The following FOCAD variants were observed in gnomAD, a reference collection of about 807,000 sequenced individuals.
The protein encoded by FOCAD is focadhesin, also known as KIAA1797.
In FOCAD, 198 loss-of-function variants were observed where a neutral mutation model predicts 225.6. The ratio of observed to expected loss-of-function variants is 0.88; its 90% CI spans 0.78 to 0.99. The LOEUF (loss-of-function observed/expected upper bound fraction) is 0.99, where lower values mean the gene tolerates loss of function less well. Ranked by LOEUF, FOCAD falls within the 50% of genes least tolerant of loss-of-function variation. The pLI is 0.00. For missense variants in FOCAD, 2,713 were observed against 2,123.6 expected (o/e 1.28, Z -5.46); for synonymous variants, 897 against 755.0 (o/e 1.19, Z -3.08).
intron 30 of FOCAD, among the ~76,000 whole-genome samples, 163 bp from the exon 31 acceptor site, chr9:20,948,108 A>C (rs1440404964): frequency 7.5e-6 from 1 of 132,756 alleles, no homozygotes; most frequent in Non-Finnish European, 1.7e-5. Context: ...TTAAAAAAAA[A>C]CAAAAAACAA....
At chr9:20,655,921 T>G (rs1821469465), upstream of FOCAD, among the ~76,000 whole-genome samples, 1 of 152,112 alleles carries the variant, frequency 6.6e-6, no homozygotes, top group Non-Finnish European at 1.5e-5. Context: ...TTTAGTGCTA[T>G]AAATTTCCCT....
intron 11 of FOCAD, among the ~76,000 whole-genome samples, chr9:20,817,380 C>T (rs147455033): frequency 8.5e-5 from 13 of 152,158 alleles, no homozygotes; most frequent in Admixed American, 6.6e-4. Flanking sequence ...TCCTGACCAC[C>T]CCCTGCTTCT....
intron 1 of FOCAD, among the ~76,000 whole-genome samples, chr9:20,708,230 C>A (rs1027380659): frequency 9.2e-5 from 14 of 152,140 alleles, no homozygotes; most frequent in Middle Eastern, 3.4e-3. Context: ...TAAAAATTGT[C>A]AAAATATTTG....
chr9:20,729,367 T>A (rs1477277846), intron 4 of FOCAD, among the ~76,000 whole-genome samples: 2 of 152,204 alleles, frequency 1.3e-5, no homozygotes, highest in East Asian at 3.8e-4. Flanking sequence ...CTTACCTGTA[T>A]ATCTCTTTGT....
At chr9:20,779,611 G>T (rs941648417) in intron 9 of FOCAD, among the ~76,000 whole-genome samples, 2 of 152,066 alleles carry the variant, frequency 1.3e-5, no homozygotes, top group South Asian at 2.1e-4. Flanking sequence ...TTAGCCAGGC[G>T]TGGTGGCGCA....
chr9:20,880,037 C>A (rs1008232139), intron 19 of FOCAD, among the ~76,000 whole-genome samples: 6 of 152,030 alleles, frequency 3.9e-5, no homozygotes, highest in Non-Finnish European at 7.4e-5. Flanking sequence ...ATAATTATAC[C>A]CACTTTGAAG....
chr9:20,801,083 T>G (rs1316150531), intron 11 of FOCAD, among the ~76,000 whole-genome samples: 1 of 152,162 alleles, frequency 6.6e-6, no homozygotes, highest in Non-Finnish European at 1.5e-5. Flanking sequence ...ACCCTCAACT[T>G]CAGGTGCGTT....
intron 33 of FOCAD, 110 bp downstream of exon 33, chr9:20,949,785 G>A: frequency 1.1e-6 from 1 of 942,172 alleles, no homozygotes; most frequent in East Asian, 2.4e-5. Flanking sequence ...AAAGTCTCTG[G>A]TTATTCCCGC....
rs1181278087 is a variant in FOCAD at position 20,770,132 on chromosome 9, A to C, written c.800A>C (p.Gln267Pro). 6.2e-7 allele frequency: 1 copy of C among 1,614,154 alleles called. No individual in the cohort carries two copies. Among genetic ancestry groups the C allele is most frequent in the Non-Finnish European group, 8.5e-7 (1 of 1,180,004 alleles). The change falls in exon 8 of 44, where the codon CAG becomes CCG. Residue 267 changes from glutamine (Q) to proline (P), a missense_variant. Transcript: ENST00000338382. ...GTTTTCTGGAAAATTCAGCTTACCC[A>C]GATGAGTCTTCAGCTGCTGTGTGTC... The part of the protein sequence containing the change: ...HPVFWKIQLT[Q>P]MSLQLLCVSE...
chr9:20,774,427 T>C (rs1423876263), intron 8 of FOCAD, among the ~76,000 whole-genome samples: 1 of 152,210 alleles, frequency 6.6e-6, no homozygotes, highest in Non-Finnish European at 1.5e-5. Flanking sequence ...GGTAATGTTC[T>C]AATCCTATCA....
At chr9:20,907,795 C>T (rs1282385855) in intron 22 of FOCAD, among the ~76,000 whole-genome samples, 2 of 152,088 alleles carry the variant, frequency 1.3e-5, no homozygotes, top group Non-Finnish European at 2.9e-5. Context: ...CTAATTTCTA[C>T]TTGTTCTCTA....
intron 18 of FOCAD, among the ~76,000 whole-genome samples, chr9:20,870,682 A>T (rs1829683916): frequency 6.6e-6 from 1 of 152,098 alleles, no homozygotes; most frequent in Non-Finnish European, 1.5e-5. Context: ...TAAACAACTG[A>T]TATTCTATAG....
chr9:20,963,108 C>G (rs549266885), intron 35 of FOCAD, among the ~76,000 whole-genome samples: 1 of 152,276 alleles, frequency 6.6e-6, no homozygotes, highest in African/African-American at 2.4e-5. Context: ...GTGTCTGAAT[C>G]AGTTCCCTAC....
At chr9:20,801,858 AGTC>A (rs1337394822) in intron 11 of FOCAD, among the ~76,000 whole-genome samples, 1 of 152,154 alleles carries the variant, frequency 6.6e-6, no homozygotes, top group East Asian at 1.9e-4. Flanking sequence ...TGGTGGGAAA[AGTC>A]AACCCCAGAA....
At position 20,726,591 on chromosome 9, in the gene FOCAD, T is replaced by C. The variant is rs1181109022; in HGVS notation, c.287+6057T>C. 2.0e-5 allele frequency among the ~76,000 whole-genome samples: 3 copies of C among 152,202 alleles called. No individual in the cohort carries two copies. In the East Asian group the frequency reaches 5.8e-4, roughly 29 times the overall value. On this transcript the variant is annotated intron_variant, in intron 4 of 43. Coordinates refer to ENST00000338382, the MANE Select transcript of FOCAD (RefSeq NM_001375567.1). ...TCTAAAGTCTACCTTTTAATGAAAT[T>C]TAGCATAGGATATTAAAAATTCTTG...
At position 20,874,637 on chromosome 9, in the gene FOCAD, T is replaced by G. The variant is rs199909770; in HGVS notation, c.2191-44T>G. 5 of 1,584,474 alleles carry G rather than the reference T, an allele frequency of 3.2e-6. No homozygotes were observed. In the African/African-American group the frequency reaches 6.8e-5, roughly 22 times the overall value. On this transcript the variant is annotated intron_variant, in intron 18 of 43. Coordinates refer to ENST00000338382, the MANE Select transcript of FOCAD (RefSeq NM_001375567.1). ...GATACAGAAAAGATTTTGCATAATG[T>G]TTTATTATTATCCTCTCTATGATCT...
At chr9:20,873,486 C>T (rs923784489) in intron 18 of FOCAD, among the ~76,000 whole-genome samples, 8 of 152,086 alleles carry the variant, frequency 5.3e-5, no homozygotes, top group Admixed American at 1.3e-4. Context: ...GCTTTCATAC[C>T]CTATCTAGAG....
chr9:20,950,179 C>T (rs534099354), intron 33 of FOCAD, among the ~76,000 whole-genome samples: 2 of 151,664 alleles, frequency 1.3e-5, no homozygotes, highest in Non-Finnish European at 2.9e-5. Context: ...TTTGAAAGCA[C>T]GTAATGAAAG....
At chr9:20,809,905 A>G (rs1446956036) in intron 11 of FOCAD, among the ~76,000 whole-genome samples, 1 of 152,128 alleles carries the variant, frequency 6.6e-6, no homozygotes, top group Non-Finnish European at 1.5e-5. Flanking sequence ...TATTCTTTTT[A>G]GAAATCCTAA....
Sources: gnomAD v4.1 joint callset for allele counts (sites outside exome capture counted in the v4.1 genomes callset) on GRCh38, gnomAD v4.1.1 for gene constraint, MANE v1.5 for transcripts, NCBI Gene and HGNC (gene_info 2026-07-23, HGNC 2026-07-21) for gene names.